Variants in HACL2 observed in about 807,000 individuals in gnomAD.
HACL2 encodes the protein 2-hydroxyacyl-CoA lyase 2.
the HACL2 span, chr19:15,117,800 G>T: frequency 1.3e-6 from 2 of 1,558,792 alleles, no homozygotes; most frequent in East Asian, 2.3e-5. Context: ...ACTGTACCAG[G>T]CTCAAGCCAG....
chr19:15,123,555 G>A, the HACL2 span: 1 of 1,614,008 alleles, frequency 6.2e-7, no homozygotes, highest in South Asian at 1.1e-5. This position sits in a 1 kb window ranked among gnomAD's most constrained non-coding sequence, Gnocchi z 5.1. Flanking sequence ...TCTCCGCCAT[G>A]CCGGACGCTT....
the HACL2 span, chr19:15,117,014 CCT>C: frequency 5.8e-6 from 1 of 173,578 alleles, no homozygotes; most frequent in Non-Finnish European, 1.2e-5. Context: ...GTTCAGGCCT[CCT>C]CGCTTCTGTC....
At chr19:15,116,521 T>G in the HACL2 span, 9 of 1,612,400 alleles carry the variant, frequency 5.6e-6, no homozygotes, top group Non-Finnish European at 7.6e-6. Flanking sequence ...AACCCACATC[T>G]CCTGGGGAAG....
At chr19:15,115,443 A>C in the HACL2 span, 1 of 1,611,770 alleles carries the variant, frequency 6.2e-7, no homozygotes, top group Non-Finnish European at 8.5e-7. Context: ...AAAAGAAGAG[A>C]TTAAGTCGGA....
chr19:15,116,218 C>T, the HACL2 span: 1 of 1,613,914 alleles, frequency 6.2e-7, no homozygotes, highest in Non-Finnish European at 8.5e-7. Context: ...ACGAAGTCCC[C>T]GCCATCCACC....
the HACL2 span, chr19:15,116,962 GGAGGCTCTGAGAAGGT>G: frequency 5.4e-6 from 1 of 183,638 alleles, no homozygotes; most frequent in East Asian, 1.8e-4. Context: ...ATGATCAAAT[GGAGGCTCTGAGAAGGT>G]GAGGCTCTGC....
the HACL2 span, chr19:15,119,089 C>T: frequency 2.0e-6 from 3 of 1,475,928 alleles, no homozygotes; most frequent in Non-Finnish European, 2.7e-6. Flanking sequence ...AGACCTTCCT[C>T]CTCCTTCGTG....
chr19:15,119,221 G>C, the HACL2 span: 1 of 1,607,992 alleles, frequency 6.2e-7, no homozygotes, highest in Non-Finnish European at 8.5e-7. Context: ...TCTCCCGGAT[G>C]TGGAGGGGGT....
the HACL2 span, chr19:15,125,779 A>C: frequency 8.9e-4 from 135 of 152,322 alleles, no homozygotes; most frequent in African/African-American, 3.2e-3. Context: ...GTCCGGCCCG[A>C]TGCGCATGCG....
At chr19:15,117,717 T>G in the HACL2 span, 1 of 636,444 alleles carries the variant, frequency 1.6e-6, no homozygotes. Context: ...GAAAGAAGCA[T>G]TCATCAGTTT....
the HACL2 span, chr19:15,123,869 C>A: frequency 2.1e-6 from 1 of 469,926 alleles, no homozygotes; most frequent in Non-Finnish European, 3.8e-6. The surrounding 1 kb of genome is among the most constrained non-coding windows in gnomAD (Gnocchi z 5.1). Context: ...CACTGTTACA[C>A]TGCCTGTCTC....
the HACL2 span, chr19:15,122,922 C>A: frequency 5.0e-6 from 8 of 1,607,888 alleles, no homozygotes; most frequent in Non-Finnish European, 6.8e-6. The surrounding 1 kb of genome is among the most constrained non-coding windows in gnomAD (Gnocchi z 4.0). Flanking sequence ...GCAGCCATCG[C>A]GGCCCTCAGG....
At chr19:15,122,196 C>A in the HACL2 span, among the ~76,000 whole-genome samples, 2 of 151,206 alleles carry the variant, frequency 1.3e-5, no homozygotes, top group Admixed American at 6.6e-5. This position sits in a 1 kb window ranked among gnomAD's most constrained non-coding sequence, Gnocchi z 4.0. Context: ...AGAGCCACCG[C>A]ACCCGGCCTG....
At chr19:15,120,218 C>T in the HACL2 span, 1 of 564,226 alleles carries the variant, frequency 1.8e-6, no homozygotes, top group Non-Finnish European at 3.2e-6. Context: ...AGTGACACCT[C>T]AGGGACAGAC....
the HACL2 span, chr19:15,115,665 C>T: frequency 3.1e-6 from 5 of 1,613,548 alleles, no homozygotes; most frequent in South Asian, 5.5e-5. Flanking sequence ...AAGGCCATCA[C>T]TGGGATCTAC....
chr19:15,124,820 G>A, the HACL2 span: 1 of 1,440,382 alleles, frequency 6.9e-7, no homozygotes, highest in Admixed American at 2.2e-5. Context: ...TGGACTAGTC[G>A]GGGCTCGCTT....
At chr19:15,122,756 A>G in the HACL2 span, 1 of 1,614,136 alleles carries the variant, frequency 6.2e-7, no homozygotes, top group South Asian at 1.1e-5. This position sits in a 1 kb window ranked among gnomAD's most constrained non-coding sequence, Gnocchi z 4.0. Context: ...CTTCTGGACC[A>G]TGAAGTAGGG....
At chr19:15,123,808 C>T in the HACL2 span, 3 of 575,406 alleles carry the variant, frequency 5.2e-6, no homozygotes, top group African/African-American at 3.7e-5. The surrounding 1 kb of genome is among the most constrained non-coding windows in gnomAD (Gnocchi z 5.1). Context: ...GACATCAAGG[C>T]TTGCCCAAGT....
At chr19:15,117,875 G>A in the HACL2 span, 64 of 1,613,714 alleles carry the variant, frequency 4.0e-5, no homozygotes, top group Non-Finnish European at 5.1e-5. Flanking sequence ...GGATTAAGGG[G>A]CTCACCCTGC....
Sources: allele counts gnomAD v4.1 joint callset (sites outside exome capture counted in the v4.1 genomes callset), GRCh38; gene constraint gnomAD v4.1.1; non-coding constraint Gnocchi (gnomAD v3.1); transcripts MANE v1.5; gene names NCBI Gene and HGNC (gene_info 2026-07-23, HGNC 2026-07-21).